The following RNF150 variants were observed in gnomAD, a reference collection of about 807,000 sequenced individuals.
RNF150 encodes the protein ring finger protein 150.
RNF150 carries 24 observed loss-of-function variants against 39.3 expected under a neutral mutation model. The ratio of observed to expected loss-of-function variants is 0.61; its 90% CI spans 0.44 to 0.86. The LOEUF (loss-of-function observed/expected upper bound fraction) is 0.86. RNF150 is among the 40% of genes least tolerant of loss of function. The probability of loss-of-function intolerance (pLI) is 0.00; values close to 1 mark genes in which losing one functional copy is unlikely to be tolerated. For missense variants in RNF150, 502 were observed against 587.8 expected, an observed-to-expected ratio of 0.85 and a Z score of 1.51; for synonymous variants, 255 against 227.3, an observed-to-expected ratio of 1.12 and a Z score of -1.10.
In RNF150 at chr4:141,129,781, T is replaced by C. The variant is rs564648881; in HGVS notation, c.484+2544A>G. On this transcript the variant is annotated intron_variant, in intron 1 of 6. Transcript: ENST00000515673. ...CAGGAAAAGAAAAAAACAGAAAACG[T>C]ATATGAAAAGGACAAAACAATTTCT... 3.6e-4 allele frequency among the ~76,000 whole-genome samples: 55 copies of C among 152,222 alleles called. 1 individual carries two copies. The South Asian group carries it at 0.011, about 30-fold the overall frequency.
intron 1 of RNF150, among the ~76,000 whole-genome samples, chr4:141,046,980 C>T (rs1192815043): frequency 6.6e-6 from 1 of 152,126 alleles, no homozygotes; most frequent in Non-Finnish European, 1.5e-5. Flanking sequence ...TGCTCAAACT[C>T]AGTTTTGAAA....
At chr4:141,165,386 T>C (rs187833506) in intron 1 of RNF150, among the ~76,000 whole-genome samples, 139 of 152,206 alleles carry the variant, frequency 9.1e-4, no homozygotes, top group African/African-American at 3.2e-3. Flanking sequence ...TTAGGCAGAT[T>C]AATGAGATAG....
intron 1 of RNF150, among the ~76,000 whole-genome samples, chr4:141,167,060 C>T (rs988133532): frequency 6.6e-6 from 1 of 151,940 alleles, no homozygotes; most frequent in Non-Finnish European, 1.5e-5. Context: ...ATCTCAGCCC[C>T]AAATCTCCTT....
intron 1 of RNF150, among the ~76,000 whole-genome samples, chr4:141,104,235 G>GCT (rs1739121231): frequency 1.3e-5 from 2 of 152,120 alleles, no homozygotes; most frequent in African/African-American, 4.8e-5. Context: ...ATGTATTAGA[G>GCT]CTCAATAGCT....
In RNF150 at chr4:140,865,033, G is replaced by A. The variant is rs1045852388; in HGVS notation, c.*3228C>T. 9 of 152,124 alleles carry A rather than the reference G, an allele frequency of 5.9e-5. No individual in the cohort carries two copies. The highest frequency in any genetic ancestry group is 1.7e-4 in the African/African-American group (7 of 41,428). The allele number at this position is 152,124 out of a possible 1,614,324, so 9.4% of individuals were successfully genotyped here. ...CTTCTTTTCTTTTGTAAGGGTCGGG[G>A]GATCTTGTGAGAATACTGGAGGAAC... On this transcript the variant is annotated 3_prime_UTR_variant, in exon 7 of 7. Coordinates refer to ENST00000515673, the MANE Select transcript of RNF150 (RefSeq NM_020724.2).
chr4:140,861,099 C>T lies in RNF150; in HGVS notation c.*7162G>A, dbSNP rs981407771. 2.0e-5 allele frequency: 3 copies of T among 152,102 alleles called. No individual in the cohort carries two copies. Among genetic ancestry groups the T allele is most frequent in the African/African-American group, 7.2e-5 (3 of 41,420 alleles). 9.4% of individuals were successfully genotyped at this position (152,102 alleles called of 1,614,324 possible). A position where few individuals can be genotyped will look rare whatever the true frequency, so the allele number is the denominator to read the frequency against. On this transcript the variant is annotated 3_prime_UTR_variant, in exon 7 of 7. Coordinates refer to ENST00000515673, the MANE Select transcript of RNF150 (RefSeq NM_020724.2). ...TCTAATTATAAAATGGTAGAACCAT[C>T]TCAGATTACTAATGTGAAAGCAGGA... is the stretch of plus-strand genomic sequence containing the variant.
intron 1 of RNF150, among the ~76,000 whole-genome samples, chr4:141,210,868 T>G (rs1370200555): frequency 6.6e-6 from 1 of 152,184 alleles, no homozygotes; most frequent in African/African-American, 2.4e-5. Context: ...TCAATTCTGG[T>G]CAATTATCTG....
At chr4:141,040,319 C>G (rs1736309910) in intron 1 of RNF150, among the ~76,000 whole-genome samples, 1 of 152,094 alleles carries the variant, frequency 6.6e-6, no homozygotes, top group South Asian at 2.1e-4. Flanking sequence ...ATGAAATACA[C>G]ACATAAACAC....
chr4:141,207,241 T>C (rs965099698), intron 1 of RNF150, among the ~76,000 whole-genome samples: 6 of 145,526 alleles, frequency 4.1e-5, no homozygotes, highest in African/African-American at 1.5e-4. Context: ...TCACACAGAT[T>C]AATTAGAGAT....
intron 6 of RNF150, among the ~76,000 whole-genome samples, chr4:140,872,686 G>C (rs1248760506): frequency 1.3e-5 from 2 of 152,220 alleles, no homozygotes; most frequent in African/African-American, 4.8e-5. Flanking sequence ...TAAAAGAGGA[G>C]AAAGTAGAGA....
At chr4:141,187,788 C>T (rs1728038907) in intron 1 of RNF150, among the ~76,000 whole-genome samples, 1 of 152,124 alleles carries the variant, frequency 6.6e-6, no homozygotes, top group Non-Finnish European at 1.5e-5. Flanking sequence ...ACTGATGAGT[C>T]TTGACTCTTT....
chr4:141,189,247 G>T (rs561598786), intron 1 of RNF150, among the ~76,000 whole-genome samples: 1 of 152,142 alleles, frequency 6.6e-6, no homozygotes. Flanking sequence ...ACAGCATGTT[G>T]CTGTCTGCTT....
chr4:140,974,766 T>C (rs1456065431), intron 1 of RNF150, among the ~76,000 whole-genome samples: 1 of 152,218 alleles, frequency 6.6e-6, no homozygotes, highest in Non-Finnish European at 1.5e-5. Context: ...TTCTAATTTT[T>C]GAAGCTGATC....
intron 1 of RNF150, among the ~76,000 whole-genome samples, chr4:141,116,456 G>A (rs1289174438): frequency 6.6e-6 from 1 of 152,208 alleles, no homozygotes; most frequent in Non-Finnish European, 1.5e-5. Flanking sequence ...TCTCATTCCA[G>A]TTAGAATGGC....
intron 4 of RNF150, among the ~76,000 whole-genome samples, chr4:140,940,139 A>T (rs1732026379): frequency 6.6e-6 from 1 of 152,152 alleles, no homozygotes; most frequent in African/African-American, 2.4e-5. Context: ...GCCCTGAAGG[A>T]TCTGGGGTGC....
At chr4:140,999,822 C>T (rs1734508256) in intron 1 of RNF150, among the ~76,000 whole-genome samples, 1 of 151,326 alleles carries the variant, frequency 6.6e-6, no homozygotes, top group African/African-American at 2.4e-5. Context: ...GTAATCCCAG[C>T]TACTCATGAG....
chr4:141,109,311 T>G (rs1400330864), intron 1 of RNF150, among the ~76,000 whole-genome samples: 6 of 152,028 alleles, frequency 3.9e-5, no homozygotes, highest in Admixed American at 3.9e-4. Context: ...GCCATTCCGA[T>G]TCATAAAACA....
chr4:141,071,067 T>A, intron 1 of RNF150, among the ~76,000 whole-genome samples: 2 of 128,862 alleles, frequency 1.6e-5, no homozygotes, highest in Admixed American at 8.1e-5. Context: ...AAATGATGAG[T>A]TCATGTCCTT....
At chr4:141,118,643 G>C (rs1419365510) in intron 1 of RNF150, among the ~76,000 whole-genome samples, 1 of 152,118 alleles carries the variant, frequency 6.6e-6, no homozygotes, top group African/African-American at 2.4e-5. Flanking sequence ...CAAGGTAATG[G>C]CCTATTTCAG....
Sources: gnomAD v4.1 joint callset for allele counts (sites outside exome capture counted in the v4.1 genomes callset) on GRCh38, gnomAD v4.1.1 for gene constraint, MANE v1.5 for transcripts, NCBI Gene and HGNC (gene_info 2026-07-23, HGNC 2026-07-21) for gene names.